SVEP1: variants seen among roughly 807,000 people sequenced by gnomAD.
The protein encoded by SVEP1 is sushi, von Willebrand factor type A, EGF and pentraxin domain containing 1, also known as sushi, von Willebrand factor type A, EGF and pentraxin domain-containing protein 1.
A neutral mutation model predicts 367.3 loss-of-function variants in SVEP1; 164 were observed. That is an observed-to-expected ratio of 0.45 (90% CI 0.39 to 0.51). SVEP1 has a LOEUF of 0.51. Ranked by LOEUF, SVEP1 falls within the 20% of genes least tolerant of loss-of-function variation. The pLI is 0.00. For missense variants in SVEP1, 4,117 were observed against 4,425.3 expected (o/e 0.93, Z 1.98); for synonymous variants, 1,666 against 1,611.6 (o/e 1.03, Z -0.81).
intron 1 of SVEP1, among the ~76,000 whole-genome samples, chr9:110,572,818 G>GAAAAAAAAAAAAAAAAAAAAAAAAAAAA (rs1830582297): frequency 9.1e-6 from 1 of 109,728 alleles, no homozygotes; most frequent in Non-Finnish European, 1.9e-5. Context: ...AAAAAAAAAT[G>GAAAAAAAAAAAAAAAAAAAAAAAAAAAA]AGTACTACTT....
At chr9:110,402,160 T>C (rs1353863532) in intron 39 of SVEP1, among the ~76,000 whole-genome samples, 3 of 152,212 alleles carry the variant, frequency 2.0e-5, no homozygotes, top group African/African-American at 7.2e-5. Flanking sequence ...TTTATTTTAA[T>C]CATTTATTAA....
At chr9:110,393,439 C>T (rs561908564) in intron 40 of SVEP1, among the ~76,000 whole-genome samples, 7 of 152,308 alleles carry the variant, frequency 4.6e-5, no homozygotes, top group African/African-American at 7.2e-5. Flanking sequence ...CAGCTCCCAG[C>T]GTGAGCGACG....
chr9:110,496,710 TAATAC>T, intron 8 of SVEP1, 100 bp downstream of exon 8: 1 of 771,306 alleles, frequency 1.3e-6, no homozygotes, highest in South Asian at 1.8e-5. Flanking sequence ...TAGAGAACCC[TAATAC>T]AAGTATTACC....
rs1398839794 is a variant in SVEP1, at chr9:110,407,318, C to T, written c.8282G>A (p.Arg2761Lys). ...GSDLRLCLEN[R>K]KWSGASPRCE... ...GCGTGGGGAGGCACCACTCCACTTTCTATTCTCTAGACAAAGCCTTAAGTC... is the reference window on the plus strand; with the variant it reads ...GCGTGGGGAGGCACCACTCCACTTTTTATTCTCTAGACAAAGCCTTAAGTC... Residue 2761 changes from arginine (R) to lysine (K), a missense_variant, in exon 38 of 48, where the codon AGA becomes AAA. Coordinates refer to ENST00000374469, the MANE Select transcript of SVEP1 (RefSeq NM_153366.4). The T allele has an allele frequency of 2.5e-6, 4 of 1,614,004 alleles. No homozygotes were observed. In the East Asian group the frequency reaches 6.7e-5, roughly 27 times the overall value.
Position 110,528,771 on chromosome 9 carries a change from T to C in SVEP1, c.965-14665A>G, listed in dbSNP as rs183508773. Among the ~76,000 whole-genome samples, 102 of 151,564 alleles carry C rather than the reference T, an allele frequency of 6.7e-4. 1 individual carries two copies. In the East Asian group the frequency reaches 9.8e-3, roughly 15 times the overall value. On this transcript the variant is annotated intron_variant, in intron 3 of 47. Transcript: ENST00000374469. ...CATTCTGTAGGTTGTTTACTGTTGA[T>C]TATTATTATTATTATGGCTATGCAG...
chr9:110,383,447 T>G (rs529151087), intron 43 of SVEP1, among the ~76,000 whole-genome samples: 1 of 151,726 alleles, frequency 6.6e-6, no homozygotes, highest in Admixed American at 6.6e-5. Flanking sequence ...TGCTCTTTCC[T>G]CTGGGAGCTC....
At position 110,457,285 on chromosome 9, in the gene SVEP1, T is replaced by C. The variant is rs774452080; in HGVS notation, c.3644A>G (p.Tyr1215Cys). The change falls in exon 21 of 48, where the codon TAT becomes TGT. Residue 1215 changes from tyrosine (Y) to cysteine (C), a missense_variant. Tyr to Cys is a radical substitution (Grantham distance 194, BLOSUM62 -2). Around this residue, in one of 4 missense-constraint regions of SVEP1, gnomAD observed 2,174 missense variants for 2,494.3 expected, o/e 0.87. Transcript: ENST00000374469. ...SGTCQQLGRGYVCLCPLGYTG... is the reference protein window; with the variant it reads ...SGTCQQLGRGCVCLCPLGYTG... ...ATATCCAAGTGGACAGAGACAAACA[T>C]AACCACGCCCAAGTTGCTGGCAGGT... The C allele has an allele frequency of 6.2e-7, 1 of 1,612,742 alleles. No individual in the cohort carries two copies. Among genetic ancestry groups the C allele is most frequent in the South Asian group, 1.1e-5 (1 of 90,762 alleles).
intron 3 of SVEP1, among the ~76,000 whole-genome samples, chr9:110,515,460 C>G (rs935228266): frequency 1.3e-5 from 2 of 152,040 alleles, no homozygotes; most frequent in Admixed American, 1.3e-4. Context: ...GCCACCACGC[C>G]TGGCTAATTT....
intron 18 of SVEP1, among the ~76,000 whole-genome samples, chr9:110,462,072 A>C (rs1828866184): frequency 6.6e-6 from 1 of 152,168 alleles, no homozygotes; most frequent in Non-Finnish European, 1.5e-5. Context: ...TTGAGAGAAT[A>C]TCTCTGAGTA....
At chr9:110,463,210 T>TAAC (rs5899900) in intron 18 of SVEP1, among the ~76,000 whole-genome samples, 5 of 150,586 alleles carry the variant, frequency 3.3e-5, no homozygotes, top group Non-Finnish European at 5.9e-5. Context: ...GATCATATAT[T>TAAC]AACAACAACA....
intron 1 of SVEP1, among the ~76,000 whole-genome samples, chr9:110,565,184 T>C (rs1830476154): frequency 6.6e-6 from 1 of 152,166 alleles, no homozygotes; most frequent in African/African-American, 2.4e-5. Flanking sequence ...ATGAAAAGAA[T>C]AGGAATGTTA....
At chr9:110,470,873 C>T (rs1270628095) in intron 16 of SVEP1, among the ~76,000 whole-genome samples, 1 of 151,944 alleles carries the variant, frequency 6.6e-6, no homozygotes, top group Admixed American at 6.5e-5. Context: ...TGGTGTGCTG[C>T]ACCCATTAAC....
chr9:110,521,652 C>G (rs1226319965), intron 3 of SVEP1, among the ~76,000 whole-genome samples: 2 of 152,090 alleles, frequency 1.3e-5, no homozygotes, highest in African/African-American at 2.4e-5. Flanking sequence ...TTAAATGAAT[C>G]CTTTGTTGTT....
chr9:110,373,027 T>A (rs971658190), intron 46 of SVEP1, among the ~76,000 whole-genome samples: 3 of 151,982 alleles, frequency 2.0e-5, no homozygotes, highest in African/African-American at 7.3e-5. Flanking sequence ...CTGGTGACAG[T>A]GGTGTGGAGT....
intron 3 of SVEP1, among the ~76,000 whole-genome samples, chr9:110,527,011 A>T (rs982572639): frequency 2.0e-5 from 3 of 152,126 alleles, no homozygotes; most frequent in Non-Finnish European, 2.9e-5. Flanking sequence ...AGTGGTTACA[A>T]TAGGTTAAAG....
At chr9:110,394,192 G>A (rs965993138) in intron 40 of SVEP1, among the ~76,000 whole-genome samples, 4 of 151,846 alleles carry the variant, frequency 2.6e-5, no homozygotes, top group Admixed American at 6.6e-5. Context: ...CAGCATTTGC[G>A]GTTCACCAAT....
intron 46 of SVEP1, among the ~76,000 whole-genome samples, chr9:110,372,317 T>C (rs142932893): frequency 2.4e-4 from 37 of 152,356 alleles, no homozygotes; most frequent in African/African-American, 8.7e-4. Context: ...TATCTATTTA[T>C]AGGCCATTCC....
At chr9:110,463,210 TAACAACAAC>T (rs5899900) in intron 18 of SVEP1, among the ~76,000 whole-genome samples, 22,679 of 150,626 alleles carry the variant, frequency 0.15, 2,256 homozygotes, top group East Asian at 0.43. Context: ...GATCATATAT[TAACAACAAC>T]AACAACAACA....
intron 39 of SVEP1, among the ~76,000 whole-genome samples, chr9:110,402,747 A>G (rs558086387): frequency 6.6e-5 from 10 of 152,322 alleles, no homozygotes; most frequent in African/African-American, 2.4e-4. Context: ...GTCTTAGACA[A>G]AGTTTCCTCT....
Sources: gnomAD v4.1 joint callset for allele counts (sites outside exome capture counted in the v4.1 genomes callset) on GRCh38, gnomAD v4.1.1 for gene constraint, gnomAD v4.1.1 regional missense constraint, MANE v1.5 for transcripts, NCBI Gene and HGNC (gene_info 2026-07-23, HGNC 2026-07-21) for gene names.